Variants in HEATR1 observed in about 807,000 individuals in gnomAD.
HEATR1 encodes the protein HEAT repeat-containing protein 1.
HEATR1 carries 77 observed loss-of-function variants against 248.2 expected under a neutral mutation model. The ratio of observed to expected loss-of-function variants is 0.31; its 90% CI spans 0.26 to 0.37. The LOEUF (loss-of-function observed/expected upper bound fraction) is 0.37, where lower values mean the gene tolerates loss of function less well. Among genes scored for constraint, HEATR1 ranks in the 10% least tolerant of loss-of-function variants. The probability of loss-of-function intolerance (pLI) is 1.00; values close to 1 mark genes in which losing one functional copy is unlikely to be tolerated. For synonymous variants in HEATR1, 897 were observed against 923.1 expected (o/e 0.97, Z 0.51); for missense variants, 2,420 against 2,504.9 (o/e 0.97, Z 0.72).
intron 19 of HEATR1, among the ~76,000 whole-genome samples, chr1:236,581,741 C>T (rs1249207671): frequency 2.6e-5 from 4 of 152,158 alleles, no homozygotes; most frequent in African/African-American, 9.7e-5. Context: ...GTAGAGAGAA[C>T]AAGTCAGGCA....
At chr1:236,592,179 A>G (rs1664056083) in intron 10 of HEATR1, 69 bp from the exon 11 acceptor site, 1 of 806,494 alleles carries the variant, frequency 1.2e-6, no homozygotes, top group East Asian at 2.6e-5. Flanking sequence ...CCATACACAT[A>G]TAAAGGAAAG....
chr1:236,568,019 C>A (rs1425300351), intron 29 of HEATR1, among the ~76,000 whole-genome samples: 1 of 152,242 alleles, frequency 6.6e-6, no homozygotes. Flanking sequence ...AAACCAATGT[C>A]TACCTGTCTC....
chr1:236,574,761 T>A lies in HEATR1; in HGVS notation c.3227A>T (p.Asn1076Ile), dbSNP rs370869084. The change falls in exon 23 of 45, where the codon AAT (asparagine) becomes ATT (isoleucine). Residue 1076 changes from asparagine to isoleucine, a missense_variant. Coordinates refer to ENST00000366582, the MANE Select transcript of HEATR1 (RefSeq NM_018072.6). ...TATATCTAGACTCTTCGGATCCTCATTTAAAAGGGAAACTGAAAATTCATT... is the reference window on the plus strand; with the variant it reads ...TATATCTAGACTCTTCGGATCCTCAATTAAAAGGGAAACTGAAAATTCATT... ...KYNEFSVSLL[N>I]EDPKSLDIFI... The A allele has an allele frequency of 5.6e-6, 9 of 1,613,818 alleles. No homozygotes were observed. Among genetic ancestry groups the A allele is most frequent in the Non-Finnish European group, 7.6e-6 (9 of 1,179,874 alleles).
chr1:236,603,248 C>T lies in HEATR1; in HGVS notation c.271G>A (p.Asp91Asn), dbSNP rs1664372819. The change falls in exon 3 of 45, where the codon GAT (aspartate) becomes AAT (asparagine). Residue 91 changes from aspartate to asparagine, a missense_variant. Asp to Asn is a conservative substitution (Grantham distance 23). Transcript: ENST00000366582. ...VQTKAVNKQL[D>N]ENISLFLIHL... ...ATAAGGAATAATGAAATGTTTTCATCCAACTGTTTGTTTACTGCTTTGGTC... is the reference window on the plus strand; with the variant it reads ...ATAAGGAATAATGAAATGTTTTCATTCAACTGTTTGTTTACTGCTTTGGTC... 6.2e-7 allele frequency: 1 copy of T among 1,614,162 alleles called. No individual in the cohort carries two copies. Among genetic ancestry groups the T allele is most frequent in the East Asian group, 2.2e-5 (1 of 44,870 alleles).
At chr1:236,570,746 G>GA (rs1468066501) in intron 28 of HEATR1, among the ~76,000 whole-genome samples, 29 of 149,746 alleles carry the variant, frequency 1.9e-4, no homozygotes, top group East Asian at 3.9e-4. Context: ...TCTCTTACAA[G>GA]AAAAAAAGAA....
At chr1:236,593,003 T>G (rs1348861455) in intron 9 of HEATR1, among the ~76,000 whole-genome samples, 1 of 152,188 alleles carries the variant, frequency 6.6e-6, no homozygotes, top group Non-Finnish European at 1.5e-5. Context: ...GAGATCAGCC[T>G]GACCAACATG....
chr1:236,564,991 C>A (rs1169691327), intron 31 of HEATR1, among the ~76,000 whole-genome samples: 1 of 152,102 alleles, frequency 6.6e-6, no homozygotes, highest in Non-Finnish European at 1.5e-5. Flanking sequence ...TTCAATGTGT[C>A]TAATGTAAAT....
At chr1:236,592,390 G>T (rs2794758) in intron 10 of HEATR1, 133 bp downstream of exon 10, 2 of 601,282 alleles carry the variant, frequency 3.3e-6, no homozygotes, top group Non-Finnish European at 3.0e-6. Context: ...TCCGATACTC[G>T]CCCCTTCTTG....
chr1:236,603,881 G>GAAAAA, intron 2 of HEATR1, 73 bp downstream of exon 2: 1 of 1,301,090 alleles, frequency 7.7e-7, no homozygotes, highest in Non-Finnish European at 1.0e-6. Flanking sequence ...GAAAACAAGG[G>GAAAAA]GAAAAAAAAA....
chr1:236,592,545 G>C lies in HEATR1; in HGVS notation c.1282C>G (p.Leu428Val). 2 of 1,459,782 alleles carry C rather than the reference G, an allele frequency of 1.4e-6. No homozygotes were observed. The highest frequency in any genetic ancestry group is 1.9e-6 in the Non-Finnish European group (2 of 1,042,192). 90.4% of individuals were successfully genotyped at this position (1,459,782 alleles called of 1,614,324 possible). ...VSLLNEQFLP[L>V]IRLLESKYPR... ...TACTTGCTTTCTAAAAGCCTAATGA[G>C]TGGAAGAAATTGTTCATTAAGCAAA... Residue 428 changes from leucine to valine, a missense_variant, in exon 10 of 45, where the codon CTC (leucine) becomes GTC (valine). Coordinates refer to ENST00000366582, the MANE Select transcript of HEATR1 (RefSeq NM_018072.6).
chr1:236,603,770 A>C lies in HEATR1; in HGVS notation c.142+184T>G, dbSNP rs551775769. 5.3e-5 allele frequency among the ~76,000 whole-genome samples: 8 copies of C among 152,028 alleles called. No individual in the cohort carries two copies. In the South Asian group the frequency reaches 1.7e-3, roughly 32 times the overall value. On this transcript the variant is annotated intron_variant, in intron 2 of 44. Coordinates refer to ENST00000366582, the MANE Select transcript of HEATR1 (RefSeq NM_018072.6). ...GTGAAATCCAGATACCTCTACTCATAAACATTTCAAGCACCAAGCACCTGA... is the reference window on the plus strand; with the variant it reads ...GTGAAATCCAGATACCTCTACTCATCAACATTTCAAGCACCAAGCACCTGA...
intron 25 of HEATR1, 44 bp downstream of exon 25, chr1:236,572,681 G>C (rs367612027): frequency 5.4e-5 from 87 of 1,597,938 alleles, no homozygotes; most frequent in Middle Eastern, 3.3e-4. Flanking sequence ...AACATTCAGA[G>C]TCAGGGAACA....
intron 29 of HEATR1, 89 bp from the exon 30 acceptor site, chr1:236,566,965 G>T: frequency 1.2e-6 from 1 of 818,076 alleles, no homozygotes; most frequent in Non-Finnish European, 2.0e-6. Context: ...TTTTAGATGG[G>T]CCCCAAGAAA....
chr1:236,558,672 T>C (rs1663042224), intron 35 of HEATR1, 143 bp from the exon 36 acceptor site: 1 of 832,684 alleles, frequency 1.2e-6, no homozygotes, highest in Non-Finnish European at 1.9e-6. Context: ...GCGATGTGCA[T>C]GTTCTAGCCA....
At chr1:236,553,961 C>T (rs1662862430) in intron 42 of HEATR1, among the ~76,000 whole-genome samples, 1 of 152,210 alleles carries the variant, frequency 6.6e-6, no homozygotes, top group African/African-American at 2.4e-5. Context: ...CAGAACATCT[C>T]AGAGGAGCTC....
In HEATR1 at chr1:236,550,795, G is replaced by GT. The variant is rs1390674034; in HGVS notation, c.*106dup. The GT allele has an allele frequency of 2.6e-6, 2 of 779,570 alleles. No individual in the cohort carries two copies. The highest frequency in any genetic ancestry group is 4.2e-6 in the Non-Finnish European group (2 of 479,172). 48.3% of individuals were successfully genotyped at this position (779,570 alleles called of 1,614,324 possible). On this transcript the variant is annotated 3_prime_UTR_variant, in exon 45 of 45. Transcript: ENST00000366582. ...GATAAAACATTTGTAAGTAATCCAAGTAGGTGTATTAAGGCACCAAAAGTA... is the reference window on the plus strand; with the variant it reads ...GATAAAACATTTGTAAGTAATCCAAGTTAGGTGTATTAAGGCACCAAAAGTA...
intron 28 of HEATR1, among the ~76,000 whole-genome samples, chr1:236,570,771 A>C (rs72758119): frequency 3.3e-5 from 5 of 152,120 alleles, no homozygotes; most frequent in African/African-American, 1.2e-4. Flanking sequence ...CATACAGATA[A>C]AACTTTGCAT....
chr1:236,595,148 CTA>C (rs1191973070), intron 8 of HEATR1, among the ~76,000 whole-genome samples: 1 of 151,858 alleles, frequency 6.6e-6, no homozygotes, highest in East Asian at 1.9e-4. Context: ...TTTAATTACT[CTA>C]GGGAAAAAAC....
chr1:236,586,029 G>T, intron 15 of HEATR1, 88 bp from the exon 16 acceptor site: 1 of 1,475,402 alleles, frequency 6.8e-7, no homozygotes. Context: ...TTTTACTATT[G>T]TTTATGAAGG....
Sources: gnomAD v4.1 joint callset for allele counts (sites outside exome capture counted in the v4.1 genomes callset) on GRCh38, gnomAD v4.1.1 for gene constraint, MANE v1.5 for transcripts, NCBI Gene and HGNC (gene_info 2026-07-23, HGNC 2026-07-21) for gene names.